The following THOC1 variants were observed in gnomAD, a reference collection of about 807,000 sequenced individuals.
THOC1 encodes THO complex 1.
A neutral mutation model predicts 97.3 loss-of-function variants in THOC1; 29 were observed. That is an observed-to-expected ratio of 0.30 (90% CI 0.22 to 0.41). The LOEUF is 0.41. Ranked by LOEUF, THOC1 falls within the 10% of genes least tolerant of loss-of-function variation. The pLI, the probability that THOC1 is intolerant of heterozygous loss-of-function variation, is 1.00. For missense variants in THOC1, 529 were observed against 761.9 expected (o/e 0.69, Z 3.60); for synonymous variants, 255 against 257.0 (o/e 0.99, Z 0.07).
intron 12 of THOC1, 76 bp downstream of exon 12, chr18:226,725 A>C: frequency 9.2e-7 from 1 of 1,084,914 alleles, no homozygotes; most frequent in Non-Finnish European, 1.4e-6. Context: ...GGACACATAC[A>C]TAAGAAAAAT....
intron 18 of THOC1, among the ~76,000 whole-genome samples, chr18:217,581 T>G (rs574091449): frequency 1.3e-5 from 2 of 152,088 alleles, no homozygotes; most frequent in African/African-American, 4.8e-5. Flanking sequence ...TGAGGCACAG[T>G]AAGGCAGGCA....
At chr18:240,366 C>T (rs1412359664) in intron 11 of THOC1, among the ~76,000 whole-genome samples, 3 of 152,310 alleles carry the variant, frequency 2.0e-5, no homozygotes, top group African/African-American at 7.2e-5. Context: ...GCTTGACTCA[C>T]ACACAGAGGT....
intron 7 of THOC1, among the ~76,000 whole-genome samples, chr18:257,769 A>G (rs900444556): frequency 1.3e-5 from 2 of 150,456 alleles, no homozygotes; most frequent in African/African-American, 4.8e-5. Flanking sequence ...AACAATGTTT[A>G]CCAAGTTTAG....
rs1910816659 is a variant in THOC1 at position 214,934 on chromosome 18, G to A, written c.1679-13C>T. The A allele has an allele frequency of 6.2e-7, 1 of 1,612,396 alleles. No homozygotes were observed. The highest frequency in any genetic ancestry group is 8.5e-7 in the Non-Finnish European group (1 of 1,179,096). ...CGAACATCAGGACCTAGAAAATGAA[G>A]AGAATATAAATTATGCGCAATTCTA... On this transcript the variant is annotated splice_polypyrimidine_tract_variant and intron_variant, in intron 20 of 20. Transcript: ENST00000261600.
At chr18:225,843 C>T (rs1305189144) in intron 12 of THOC1, 1 of 157,122 alleles carries the variant, frequency 6.4e-6, no homozygotes, top group African/African-American at 2.4e-5. Context: ...TTGTTAATAG[C>T]TGCCACTAAC....
At chr18:259,788 A>C in intron 5 of THOC1, 58 bp from the exon 6 acceptor site, 1 of 1,335,008 alleles carries the variant, frequency 7.5e-7, no homozygotes, top group Non-Finnish European at 1.0e-6. Context: ...ATTCTTCAAT[A>C]ATAAGTTGCC....
At chr18:230,146 T>C (rs186725650) in intron 11 of THOC1, among the ~76,000 whole-genome samples, 32 of 152,288 alleles carry the variant, frequency 2.1e-4, no homozygotes, top group Admixed American at 3.3e-4. Context: ...TTCTCCAGCA[T>C]TGGCTAATTC....
At position 266,816 on chromosome 18, in the gene THOC1, C is replaced by T. The variant is rs547598178; in HGVS notation, c.54+1150G>A. ...CCTCCCGAAGTACTGCATTTACAGG[C>T]GTGAGCCACTGCGCCCGGCCGCCAA... On this transcript the variant is annotated intron_variant, in intron 1 of 20. Coordinates refer to ENST00000261600, the MANE Select transcript of THOC1 (RefSeq NM_005131.3). Among the ~76,000 whole-genome samples, 67 of 152,232 alleles carry T rather than the reference C, an allele frequency of 4.4e-4. 1 individual carries two copies. The highest frequency in any genetic ancestry group is 1.5e-3 in the African/African-American group (64 of 41,570).
In THOC1 at chr18:216,340, A is replaced by G. The variant is rs549879059; in HGVS notation, c.1602+146T>C. 6 of 819,778 alleles carry G rather than the reference A, an allele frequency of 7.3e-6. No homozygotes were observed. The East Asian group carries it at 7.4e-5, about 10-fold the overall frequency. The allele number at this position is 819,778 out of a possible 1,614,324, so 50.8% of individuals were successfully genotyped here. A position where few individuals can be genotyped will look rare whatever the true frequency, so the allele number is the denominator to read the frequency against. ...GTATTTCCTGTAAATGTATATTCCA[A>G]TGTGTTTTTCCCTCATTCTAAAACA... is the stretch of plus-strand genomic sequence containing the variant. On this transcript the variant is annotated intron_variant, in intron 19 of 20. Transcript: ENST00000261600.
chr18:259,544 A>G, intron 6 of THOC1, 138 bp downstream of exon 6: 2 of 762,696 alleles, frequency 2.6e-6, no homozygotes, highest in Non-Finnish European at 4.3e-6. Flanking sequence ...AATGAGTTCT[A>G]ACAAATCAGA....
chr18:235,430 GTCACTCT>G (rs879446010), intron 11 of THOC1, among the ~76,000 whole-genome samples: 2 of 151,860 alleles, frequency 1.3e-5, no homozygotes, highest in Admixed American at 1.3e-4. Flanking sequence ...CGCTCAATTT[GTCACTCT>G]TTCTTGACAT....
intron 10 of THOC1, among the ~76,000 whole-genome samples, chr18:247,636 T>C (rs1912137960): frequency 1.3e-5 from 2 of 152,258 alleles, no homozygotes; most frequent in Admixed American, 6.5e-5. Flanking sequence ...AGCAAGGCTG[T>C]AATGACGAAC....
At position 259,792 on chromosome 18, in the gene THOC1, A is replaced by C. The variant is rs1912546435; in HGVS notation, c.376-62T>G. ...ACTTGTTACACATTCTTCAATAATA[A>C]GTTGCCAGAGTGAAATATTAAAGAA... On this transcript the variant is annotated intron_variant, in intron 5 of 20. Coordinates refer to ENST00000261600, the MANE Select transcript of THOC1 (RefSeq NM_005131.3). The C allele has an allele frequency of 7.7e-6, 10 of 1,299,432 alleles. No individual in the cohort carries two copies. In the South Asian group the frequency reaches 1.4e-4, roughly 18 times the overall value. The allele number at this position is 1,299,432 out of a possible 1,614,324, so 80.5% of individuals were successfully genotyped here. A position where few individuals can be genotyped will look rare whatever the true frequency, so the allele number is the denominator to read the frequency against.
intron 11 of THOC1, among the ~76,000 whole-genome samples, chr18:241,908 C>A (rs1427567150): frequency 6.6e-6 from 1 of 152,180 alleles, no homozygotes; most frequent in African/African-American, 2.4e-5. Flanking sequence ...TACTTTTCCA[C>A]TGCATTAGAA....
chr18:237,887 G>A (rs915122393), intron 11 of THOC1, among the ~76,000 whole-genome samples: 3 of 151,558 alleles, frequency 2.0e-5, no homozygotes, highest in Non-Finnish European at 4.4e-5. Flanking sequence ...TTCTTTTTGA[G>A]ATGGAGTCTC....
At chr18:221,135 G>C (rs1911063087) in intron 17 of THOC1, among the ~76,000 whole-genome samples, 1 of 152,124 alleles carries the variant, frequency 6.6e-6, no homozygotes, top group African/African-American at 2.4e-5. Context: ...GGAGTTGTAA[G>C]TATTTTTGCT....
At chr18:221,042 G>A (rs1007128050) in intron 17 of THOC1, among the ~76,000 whole-genome samples, 14 of 151,984 alleles carry the variant, frequency 9.2e-5, no homozygotes, top group African/African-American at 3.1e-4. Flanking sequence ...AACATGTAGT[G>A]TTTTCATTAT....
chr18:233,788 T>C (rs949673711), intron 11 of THOC1, among the ~76,000 whole-genome samples: 1 of 152,218 alleles, frequency 6.6e-6, no homozygotes, highest in Non-Finnish European at 1.5e-5. Context: ...CCCGCTTTCT[T>C]CATGGTTTTC....
intron 11 of THOC1, chr18:245,618 C>G (rs1430859876): frequency 6.6e-6 from 1 of 152,282 alleles, no homozygotes; most frequent in Non-Finnish European, 1.5e-5. Flanking sequence ...GTGAATCTGG[C>G]TCTGGCCCCT....
Sources: gnomAD v4.1 joint callset for allele counts (sites outside exome capture counted in the v4.1 genomes callset) on GRCh38, gnomAD v4.1.1 for gene constraint, MANE v1.5 for transcripts, NCBI Gene and HGNC (gene_info 2026-07-23, HGNC 2026-07-21) for gene names.